ADAMTS17: variants seen among roughly 807,000 people sequenced by gnomAD.
ADAMTS17 encodes the protein A disintegrin and metalloproteinase with thrombospondin motifs 17.
In ADAMTS17, 113 loss-of-function variants were observed where a neutral mutation model predicts 141.5. The ratio of observed to expected loss-of-function variants is 0.80; its 90% CI spans 0.69 to 0.93. The LOEUF (loss-of-function observed/expected upper bound fraction) is 0.93. ADAMTS17 is among the 40% of genes least tolerant of loss of function. The pLI is 0.00. For synonymous variants in ADAMTS17, 768 were observed against 630.6 expected (o/e 1.22, Z -3.27); for missense variants, 1,659 against 1,517.9 (o/e 1.09, Z -1.54).
intron 12 of ADAMTS17, among the ~76,000 whole-genome samples, chr15:100,124,687 C>G (rs564020099): frequency 1.3e-5 from 2 of 152,354 alleles, no homozygotes; most frequent in African/African-American, 4.8e-5. Flanking sequence ...GTGCACGGAG[C>G]TGTGCTTCTT....
intron 18 of ADAMTS17, among the ~76,000 whole-genome samples, chr15:100,033,435 G>A (rs2030383188): frequency 6.6e-6 from 1 of 152,214 alleles, no homozygotes; most frequent in Admixed American, 6.5e-5. Flanking sequence ...TAGCCCTCTT[G>A]CTAACAGACT....
Position 100,109,034 on chromosome 15 carries a change from G to A in ADAMTS17, c.1971C>T (p.Pro657=). ...AGAGATCAGTCTCGTAGGGCCCGCA[G>A]GGTGTACCGTCCAGGACCCTGTCGG... ...LVADRVLDGT[P]CGPYETDLCV... Residue 657 remains proline, a synonymous_variant, in exon 14 of 22, where the codon CCC becomes CCT. Coordinates refer to ENST00000268070, the MANE Select transcript of ADAMTS17 (RefSeq NM_139057.4). The A allele has an allele frequency of 1.2e-6, 2 of 1,614,152 alleles. No individual in the cohort carries two copies. Among genetic ancestry groups the A allele is most frequent in the South Asian group, 2.2e-5 (2 of 91,086 alleles).
At chr15:100,302,239 A>G (rs1276211826) in intron 3 of ADAMTS17, among the ~76,000 whole-genome samples, 1 of 152,232 alleles carries the variant, frequency 6.6e-6, no homozygotes, top group East Asian at 1.9e-4. Context: ...AGCAGGCATC[A>G]GTGCTTCATT....
chr15:100,120,240 G>A (rs2037384708), intron 12 of ADAMTS17, among the ~76,000 whole-genome samples: 1 of 152,210 alleles, frequency 6.6e-6, no homozygotes, highest in Admixed American at 6.5e-5. Context: ...TCTACTTGAA[G>A]GCTTGCAGCT....
At chr15:100,109,618 G>T in intron 13 of ADAMTS17, among the ~76,000 whole-genome samples, 1 of 152,194 alleles carries the variant, frequency 6.6e-6, no homozygotes, top group African/African-American at 2.4e-5. Context: ...TGTGCTTTGG[G>T]GTACGGAGAT....
At chr15:100,184,334 G>T (rs1255958123) in intron 8 of ADAMTS17, among the ~76,000 whole-genome samples, 4 of 152,178 alleles carry the variant, frequency 2.6e-5, no homozygotes, top group African/African-American at 7.2e-5. Flanking sequence ...CGGTGTATGT[G>T]GGGAGAGGAA....
intron 3 of ADAMTS17, among the ~76,000 whole-genome samples, chr15:100,312,174 G>C (rs2045426523): frequency 6.6e-6 from 1 of 152,236 alleles, no homozygotes; most frequent in African/African-American, 2.4e-5. Context: ...ATCCAGCTAA[G>C]GTTTTGAGAT....
At chr15:100,244,060 C>T (rs2042912172) in intron 7 of ADAMTS17, among the ~76,000 whole-genome samples, 1 of 152,018 alleles carries the variant, frequency 6.6e-6, no homozygotes, top group Non-Finnish European at 1.5e-5. Context: ...GCTGAGGAGG[C>T]CTCACAGTCA....
intron 3 of ADAMTS17, among the ~76,000 whole-genome samples, chr15:100,282,711 C>G (rs1596444025): frequency 6.6e-6 from 1 of 151,450 alleles, no homozygotes; most frequent in Admixed American, 6.6e-5. Flanking sequence ...TCGTAATTTA[C>G]AAACAAAAAT....
At chr15:100,214,401 T>C (rs12324378) in intron 7 of ADAMTS17, among the ~76,000 whole-genome samples, 1,984 of 152,336 alleles carry the variant, frequency 0.013, 41 homozygotes, top group African/African-American at 0.046. Context: ...ATTAATATTA[T>C]TGGGAGTATC....
chr15:100,220,714 TTGTCTC>T (rs1358441942), intron 7 of ADAMTS17, among the ~76,000 whole-genome samples: 1 of 152,160 alleles, frequency 6.6e-6, no homozygotes, highest in Admixed American at 6.5e-5. Context: ...CTAATCTACT[TTGTCTC>T]TGTGCACTCG....
At chr15:100,298,692 G>C (rs1019503489) in intron 3 of ADAMTS17, among the ~76,000 whole-genome samples, 1 of 152,148 alleles carries the variant, frequency 6.6e-6, no homozygotes, top group Admixed American at 6.5e-5. Flanking sequence ...GAAAATGCCA[G>C]GCAGCATCAT....
intron 15 of ADAMTS17, among the ~76,000 whole-genome samples, chr15:100,075,679 T>C (rs1284004734): frequency 6.6e-6 from 1 of 152,258 alleles, no homozygotes; most frequent in African/African-American, 2.4e-5. Context: ...ATATTATCTG[T>C]ACACATATCT....
At chr15:100,217,724 G>A (rs527730491) in intron 7 of ADAMTS17, among the ~76,000 whole-genome samples, 60 of 152,266 alleles carry the variant, frequency 3.9e-4, no homozygotes, top group Non-Finnish European at 7.6e-4. Flanking sequence ...TTTATGCTTC[G>A]GAAGATACCA....
At chr15:100,193,838 C>T (rs777607264) in intron 8 of ADAMTS17, among the ~76,000 whole-genome samples, 3 of 152,170 alleles carry the variant, frequency 2.0e-5, no homozygotes, top group Non-Finnish European at 2.9e-5. Context: ...GGTGCAGGGA[C>T]GGCAGGGGAA....
intron 15 of ADAMTS17, among the ~76,000 whole-genome samples, chr15:100,055,195 G>A (rs1461938596): frequency 6.6e-6 from 1 of 152,096 alleles, no homozygotes; most frequent in East Asian, 1.9e-4. Flanking sequence ...ATATCTCATT[G>A]GGACCCTACT....
intron 18 of ADAMTS17, among the ~76,000 whole-genome samples, chr15:100,035,598 G>A (rs902819181): frequency 5.3e-5 from 8 of 152,138 alleles, no homozygotes; most frequent in Non-Finnish European, 1.2e-4. Flanking sequence ...TGACTGGGGT[G>A]AGCAAATCTA....
At chr15:100,000,264 C>T (rs181132301) in intron 18 of ADAMTS17, among the ~76,000 whole-genome samples, 1 of 152,210 alleles carries the variant, frequency 6.6e-6, no homozygotes. Context: ...TTCATTTCTC[C>T]TAGTTCTGGT....
At chr15:100,199,629 A>G (rs1469865354) in intron 7 of ADAMTS17, among the ~76,000 whole-genome samples, 1 of 152,234 alleles carries the variant, frequency 6.6e-6, no homozygotes, top group Non-Finnish European at 1.5e-5. Flanking sequence ...AGCATCCATC[A>G]GGCATCTAAT....
Sources: allele counts gnomAD v4.1 joint callset (sites outside exome capture counted in the v4.1 genomes callset), GRCh38; gene constraint gnomAD v4.1.1; transcripts MANE v1.5; gene names NCBI Gene and HGNC (gene_info 2026-07-23, HGNC 2026-07-21).